PARVA: variants seen among roughly 807,000 people sequenced by gnomAD.
PARVA encodes the protein parvin alpha, also known as alpha-parvin.
PARVA carries 25 observed loss-of-function variants against 52.6 expected under a neutral mutation model. That is an observed-to-expected ratio of 0.48 (90% CI 0.35 to 0.66). The LOEUF (loss-of-function observed/expected upper bound fraction) is 0.66, where lower values mean the gene tolerates loss of function less well. PARVA is among the 30% of genes least tolerant of loss of function. The pLI is 0.01. For synonymous variants in PARVA, 185 were observed against 179.1 expected (o/e 1.03, Z -0.26); for missense variants, 373 against 450.9 (o/e 0.83, Z 1.56).
chr11:12,412,331 T>C (rs947845541), intron 1 of PARVA, among the ~76,000 whole-genome samples: 1 of 152,232 alleles, frequency 6.6e-6, no homozygotes, highest in African/African-American at 2.4e-5. Flanking sequence ...ACAGAGCATG[T>C]TGCCTTCATC....
chr11:12,418,537 A>C (rs940765619), intron 1 of PARVA, among the ~76,000 whole-genome samples: 2 of 152,284 alleles, frequency 1.3e-5, no homozygotes, highest in South Asian at 4.1e-4. Flanking sequence ...AGCAGAGCCC[A>C]GCTTCTCAGC....
At chr11:12,494,762 A>T (rs1323010961) in intron 4 of PARVA, among the ~76,000 whole-genome samples, 2 of 152,200 alleles carry the variant, frequency 1.3e-5, no homozygotes, top group Admixed American at 1.3e-4. Context: ...GATTTTAAAT[A>T]TGAAAATGTA....
chr11:12,390,403 G>T (rs966575121), intron 1 of PARVA, among the ~76,000 whole-genome samples: 2 of 152,252 alleles, frequency 1.3e-5, no homozygotes, highest in African/African-American at 4.8e-5. Flanking sequence ...GAGATGGCAG[G>T]GTGCAGAGAT....
At position 12,418,647 on chromosome 11, in the gene PARVA, C is replaced by T. The variant is rs968892058; in HGVS notation, c.136+40864C>T. Among the ~76,000 whole-genome samples, 18 of 152,238 alleles carry T rather than the reference C, an allele frequency of 1.2e-4. 1 individual carries two copies. The highest frequency in any genetic ancestry group is 4.6e-4 in the Admixed American group (7 of 15,308). On this transcript the variant is annotated intron_variant, in intron 1 of 12. Transcript: ENST00000334956. ...ACTGCACCTCACTGGAGCCAAATTC[C>T]ATCTTTATTCTGCTCCCCATTACCA...
intron 1 of PARVA, among the ~76,000 whole-genome samples, chr11:12,427,673 T>G (rs1353638956): frequency 6.6e-6 from 1 of 152,242 alleles, no homozygotes; most frequent in African/African-American, 2.4e-5. Flanking sequence ...AACTTTTGTC[T>G]TATGGGTCAT....
chr11:12,478,655 C>T (rs1941046270), intron 4 of PARVA: 1 of 158,030 alleles, frequency 6.3e-6, no homozygotes, highest in South Asian at 1.9e-4. Context: ...GTTTCATCCC[C>T]TCTGAGTTCA....
intron 1 of PARVA, among the ~76,000 whole-genome samples, chr11:12,414,535 G>C (rs1054420091): frequency 2.0e-5 from 3 of 152,206 alleles, no homozygotes; most frequent in Non-Finnish European, 2.9e-5. Flanking sequence ...AAGGTTAAAT[G>C]AGAGAATGTA....
intron 12 of PARVA, among the ~76,000 whole-genome samples, chr11:12,526,039 A>G (rs1055355677): frequency 6.6e-6 from 1 of 152,124 alleles, no homozygotes; most frequent in Non-Finnish European, 1.5e-5. Flanking sequence ...ACAGAGTGAT[A>G]TAACGGACTT....
intron 1 of PARVA, among the ~76,000 whole-genome samples, chr11:12,428,895 A>G (rs188980875): frequency 1.3e-5 from 2 of 152,366 alleles, no homozygotes; most frequent in Admixed American, 1.3e-4. Context: ...AAGGAGCTTC[A>G]GGAATTTGGG....
At chr11:12,445,040 A>T (rs1424267697) in intron 1 of PARVA, among the ~76,000 whole-genome samples, 1 of 152,106 alleles carries the variant, frequency 6.6e-6, no homozygotes. Flanking sequence ...CTAGATTTTT[A>T]ACCCTTGAGT....
chr11:12,514,451 A>G (rs1941544568), intron 10 of PARVA, among the ~76,000 whole-genome samples: 1 of 152,230 alleles, frequency 6.6e-6, no homozygotes, highest in Non-Finnish European at 1.5e-5. Context: ...AGATTGAATC[A>G]TATGAAATTG....
intron 1 of PARVA, among the ~76,000 whole-genome samples, chr11:12,411,741 C>G (rs1939995133): frequency 6.6e-6 from 1 of 152,138 alleles, no homozygotes; most frequent in Non-Finnish European, 1.5e-5. Context: ...TTCCCTTGGT[C>G]TCAGCATCCA....
chr11:12,474,100 G>GGGGCTGCCATGA, intron 3 of PARVA, 117 bp downstream of exon 3: 1 of 784,496 alleles, frequency 1.3e-6, no homozygotes, highest in Non-Finnish European at 2.2e-6. Context: ...AGTCATGGCA[G>GGGGCTGCCATGA]CCCCTGCCTC....
chr11:12,500,365 G>A (rs1354126777), intron 5 of PARVA, among the ~76,000 whole-genome samples: 1 of 152,136 alleles, frequency 6.6e-6, no homozygotes, highest in Non-Finnish European at 1.5e-5. Context: ...AGCTTCTGTT[G>A]AGCACAGGGA....
rs1941773099 is a variant in PARVA, at chr11:12,531,582, G to A, written c.*3657G>A. Among the ~76,000 whole-genome samples the A allele has an allele frequency of 6.6e-6, 1 of 151,906 alleles. No homozygotes were observed. Among genetic ancestry groups the A allele is most frequent in the South Asian group, 2.1e-4 (1 of 4,794 alleles). On this transcript the variant is annotated 3_prime_UTR_variant, in exon 13 of 13. Transcript: ENST00000334956. ...ATAAGACTAGATGGAGTCGGTAGGT[G>A]AAACAGTTTTGCCGTGCCTAAGTGG...
intron 1 of PARVA, among the ~76,000 whole-genome samples, chr11:12,420,010 TTAATTA>T (rs1338701088): frequency 5.9e-5 from 9 of 152,190 alleles, no homozygotes; most frequent in African/African-American, 2.2e-4. Context: ...ATCAACTATA[TTAATTA>T]TAAGTTCTGT....
intron 1 of PARVA, among the ~76,000 whole-genome samples, chr11:12,409,644 G>T (rs1038487722): frequency 6.6e-6 from 1 of 152,176 alleles, no homozygotes; most frequent in South Asian, 2.1e-4. Context: ...AAAAATAGGG[G>T]TGGCTGCTAG....
intron 1 of PARVA, among the ~76,000 whole-genome samples, chr11:12,394,599 G>A (rs2134958076): frequency 6.6e-6 from 1 of 152,326 alleles, no homozygotes; most frequent in Non-Finnish European, 1.5e-5. Context: ...GGCACAAGTT[G>A]TTCCTTGTTG....
chr11:12,387,804 G>T (rs1939601046), intron 1 of PARVA, among the ~76,000 whole-genome samples: 1 of 151,992 alleles, frequency 6.6e-6, no homozygotes, highest in Non-Finnish European at 1.5e-5. Flanking sequence ...GAATGTGAAG[G>T]CCGGTTGACT....
Sources: allele counts gnomAD v4.1 joint callset (sites outside exome capture counted in the v4.1 genomes callset), GRCh38; gene constraint gnomAD v4.1.1; transcripts MANE v1.5; gene names NCBI Gene and HGNC (gene_info 2026-07-23, HGNC 2026-07-21).